Variants in SLFN11 observed in about 807,000 individuals in gnomAD.
SLFN11 encodes the protein schlafen family member 11.
A neutral mutation model predicts 53.4 loss-of-function variants in SLFN11; 43 were observed. That is an observed-to-expected ratio of 0.80 (90% CI 0.63 to 1.04). The LOEUF is 1.04. Among genes scored for constraint, SLFN11 ranks in the 50% least tolerant of loss-of-function variants. SLFN11 has a pLI of 0.00. For synonymous variants in SLFN11, 389 were observed against 394.7 expected (o/e 0.99, Z 0.17); for missense variants, 990 against 1,079.1 (o/e 0.92, Z 1.16).
intron 1 of SLFN11, 61 bp from the exon 2 acceptor site, chr17:35,367,761 T>C (rs549864661): frequency 7.2e-5 from 11 of 151,852 alleles, no homozygotes; most frequent in African/African-American, 2.6e-4. Context: ...GGTTCAAATC[T>C]CAGCTCTGCC....
At position 35,373,409 on chromosome 17, in the gene SLFN11, G is replaced by A. The variant is rs1909952434; in HGVS notation, c.-235+65C>T. ...CCCCCAGCCCCTCCGCACCCCTCCA[G>A]CCCCTCCCCACACCCCACACCCTGG... On this transcript the variant is annotated intron_variant, in intron 1 of 6. Transcript: ENST00000685675. The A allele has an allele frequency of 2.0e-5, 3 of 151,336 alleles. No homozygotes were observed. In the South Asian group the frequency reaches 6.3e-4, roughly 32 times the overall value. 9.4% of individuals were successfully genotyped at this position (151,336 alleles called of 1,614,324 possible). A position where few individuals can be genotyped will look rare whatever the true frequency, so the allele number is the denominator to read the frequency against.
intron 5 of SLFN11, among the ~76,000 whole-genome samples, chr17:35,355,373 C>T (rs1168922311): frequency 6.6e-6 from 1 of 151,972 alleles, no homozygotes; most frequent in African/African-American, 2.4e-5. Flanking sequence ...GCACTCTATC[C>T]TGGGCGACAG....
chr17:35,352,178 C>G lies in SLFN11; in HGVS notation c.*178G>C. 1 of 618,936 alleles carries G rather than the reference C, an allele frequency of 1.6e-6. No individual in the cohort carries two copies. The highest frequency in any genetic ancestry group is 3.0e-5 in the East Asian group (1 of 32,970). The allele number at this position is 618,936 out of a possible 1,614,324, so 38.3% of individuals were successfully genotyped here. A position where few individuals can be genotyped will look rare whatever the true frequency, so the allele number is the denominator to read the frequency against. The stretch of plus-strand genomic sequence containing the variant: ...AGGGGTCAGAATGGGGGGCAGCCAC[C>G]GCTGCTGAAAGGGTTGGGGAAGGAA... On this transcript the variant is annotated 3_prime_UTR_variant, in exon 7 of 7. Transcript: ENST00000685675.
intron 1 of SLFN11, among the ~76,000 whole-genome samples, chr17:35,368,177 C>T (rs1385516342): frequency 6.6e-6 from 1 of 152,014 alleles, no homozygotes. Flanking sequence ...CCACCCATCT[C>T]CCCTAGATCA....
Position 35,353,013 on chromosome 17 carries a change from C to T in SLFN11, c.2049G>A (p.Lys683=), listed in dbSNP as rs1906940333. The T allele has an allele frequency of 6.2e-7, 1 of 1,614,052 alleles. No individual in the cohort carries two copies. The highest frequency in any genetic ancestry group is 1.3e-5 in the African/African-American group (1 of 74,932). Residue 683 remains lysine (K), a synonymous_variant, in exon 7 of 7, where the codon AAG becomes AAA. Coordinates refer to ENST00000685675, the MANE Select transcript of SLFN11 (RefSeq NM_001376007.1). ...TTGCTCTCCGAGTGATGCTTTTTGC[C>T]TTCCCATACCAGTCCCCATCTTCAG... ...FRTEDGDWYG[K]AKSITRRAKG...
At chr17:35,370,229 G>A (rs1277610929) in intron 1 of SLFN11, among the ~76,000 whole-genome samples, 4 of 152,072 alleles carry the variant, frequency 2.6e-5, no homozygotes, top group Non-Finnish European at 5.9e-5. Context: ...AAGGACAAAT[G>A]CCATATGATC....
chr17:35,357,852 T>C (rs1302919430), intron 5 of SLFN11, among the ~76,000 whole-genome samples: 2 of 145,194 alleles, frequency 1.4e-5, no homozygotes, highest in Non-Finnish European at 3.0e-5. Flanking sequence ...AAATATATAA[T>C]TATTTATATA....
chr17:35,360,051 C>T (rs779895140), intron 5 of SLFN11, 192 bp downstream of exon 5: 90 of 529,094 alleles, frequency 1.7e-4, no homozygotes, highest in Admixed American at 3.1e-4. Flanking sequence ...ATGTGTGGTC[C>T]TGCCTTAGCC....
At chr17:35,357,224 T>G (rs1453909863) in intron 5 of SLFN11, among the ~76,000 whole-genome samples, 2 of 151,140 alleles carry the variant, frequency 1.3e-5, no homozygotes, top group Non-Finnish European at 2.9e-5. Flanking sequence ...TTAGAGACAC[T>G]GGCCCTTTGG....
intron 5 of SLFN11, 54 bp from the exon 6 acceptor site, chr17:35,354,113 A>T: frequency 6.9e-7 from 1 of 1,454,656 alleles, no homozygotes; most frequent in Non-Finnish European, 9.1e-7. Context: ...CTATTGATTA[A>T]GATGACTAAT....
At chr17:35,368,966 C>T (rs1245548674) in intron 1 of SLFN11, among the ~76,000 whole-genome samples, 1 of 152,070 alleles carries the variant, frequency 6.6e-6, no homozygotes, top group East Asian at 1.9e-4. Flanking sequence ...GACTAAAGAG[C>T]CCTTGGTCCC....
Position 35,352,988 on chromosome 17 carries a change from T to C in SLFN11, c.2074A>G (p.Lys692Glu). The change falls in exon 7 of 7, where the codon AAG becomes GAG. Residue 692 changes from lysine (K) to glutamate (E), a missense_variant. Coordinates refer to ENST00000685675, the MANE Select transcript of SLFN11 (RefSeq NM_001376007.1). ...GKAKSITRRAKGGPGILWIFL... is the reference protein window; with the variant it reads ...GKAKSITRRAEGGPGILWIFL... ...ATCCAGAGAATTCCTGGGCCACCCT[T>C]TGCTCTCCGAGTGATGCTTTTTGCC... 1 of 1,614,160 alleles carries C rather than the reference T, an allele frequency of 6.2e-7. No homozygotes were observed.
chr17:35,354,059 A>T lies in SLFN11; in HGVS notation c.1199T>A (p.Val400Asp), dbSNP rs1269782833. 6.3e-7 allele frequency: 1 copy of T among 1,589,282 alleles called. No individual in the cohort carries two copies. Among genetic ancestry groups the T allele is most frequent in the Admixed American group, 1.8e-5 (1 of 56,164 alleles). The change falls in exon 6 of 7, where the codon GTC becomes GAC. Residue 400 changes from valine to aspartate, a missense_variant and splice_region_variant. By Grantham distance (152) the Val-to-Asp change is radical. Around this residue, in one of 3 missense-constraint regions of SLFN11, gnomAD observed 521 missense variants for 516.2 expected, o/e 1.01. Coordinates refer to ENST00000685675, the MANE Select transcript of SLFN11 (RefSeq NM_001376007.1). ...AGTATATCGCAAATATCCTGGTGGG[A>T]CTGTATGTGAAAAGAATGATAAATT... ...KKELQQLLFS[V>D]PPGYLRYTPE...
chr17:35,372,934 T>TC (rs1181528220), intron 1 of SLFN11, among the ~76,000 whole-genome samples: 2 of 152,040 alleles, frequency 1.3e-5, no homozygotes, highest in Non-Finnish European at 2.9e-5. Context: ...TTCTCATTTC[T>TC]CCCCCCTCTA....
chr17:35,365,444 C>T (rs1468530982), intron 3 of SLFN11, among the ~76,000 whole-genome samples: 1 of 117,214 alleles, frequency 8.5e-6, no homozygotes, highest in Non-Finnish European at 1.8e-5. Flanking sequence ...GCCACTATAC[C>T]CAGCTAATTC....
intron 1 of SLFN11, among the ~76,000 whole-genome samples, chr17:35,372,935 C>T (rs1909876436): frequency 6.6e-6 from 1 of 152,062 alleles, no homozygotes; most frequent in African/African-American, 2.4e-5. Context: ...TCTCATTTCT[C>T]CCCCCTCTAG....
Position 35,360,301 on chromosome 17 carries a change from T to C in SLFN11, c.1140A>G (p.Pro380=), listed in dbSNP as rs1908036388. The change falls in exon 5 of 7, where the codon CCA becomes CCG. Residue 380 remains proline (P), a synonymous_variant. Transcript: ENST00000685675. ...SLSSGPPLSR[P]VYSKKGLEHK... is the part of the protein sequence containing the mutation. ...GTTCCAGGCCTTTCTTGGAGTACAC[T>C]GGTCTGCTAAGGGGAGGCCCACTAG... The C allele has an allele frequency of 6.2e-7, 1 of 1,611,240 alleles. No homozygotes were observed. Among genetic ancestry groups the C allele is most frequent in the South Asian group, 1.1e-5 (1 of 90,792 alleles).
Position 35,351,024 on chromosome 17 carries a change from G to A in SLFN11, c.*1332C>T, listed in dbSNP as rs1226281399. ...AAATAATCGTACAGCTGTGTTCTCA[G>A]GCTGCAATAACAAAACACCAGAGAC... On this transcript the variant is annotated 3_prime_UTR_variant, in exon 7 of 7. Coordinates refer to ENST00000685675, the MANE Select transcript of SLFN11 (RefSeq NM_001376007.1). 1 of 152,164 alleles carries A rather than the reference G, an allele frequency of 6.6e-6. No homozygotes were observed. Among genetic ancestry groups the A allele is most frequent in the Non-Finnish European group, 1.5e-5 (1 of 68,032 alleles). The allele number at this position is 152,164 out of a possible 1,614,324, so 9.4% of individuals were successfully genotyped here. A position where few individuals can be genotyped will look rare whatever the true frequency, so the allele number is the denominator to read the frequency against.
intron 5 of SLFN11, 130 bp from the exon 6 acceptor site, chr17:35,354,189 T>G (rs1907176814): frequency 6.0e-6 from 4 of 667,130 alleles, no homozygotes; most frequent in Non-Finnish European, 8.4e-6. Flanking sequence ...TTTATAAATA[T>G]TATTATATTA....
Sources: allele counts gnomAD v4.1 joint callset (sites outside exome capture counted in the v4.1 genomes callset), GRCh38; gene constraint gnomAD v4.1.1; regional missense constraint gnomAD v4.1.1; transcripts MANE v1.5; gene names NCBI Gene and HGNC (gene_info 2026-07-23, HGNC 2026-07-21).